Variants in NKD2 observed in about 807,000 individuals in gnomAD.
NKD2 encodes protein naked cuticle homolog 2.
A neutral mutation model predicts 34.8 loss-of-function variants in NKD2; 43 were observed. That is an observed-to-expected ratio of 1.24 (90% CI 0.97 to 1.60). NKD2 has a LOEUF of 1.60. NKD2 is among the 40% of genes most tolerant of loss of function. NKD2 has a pLI of 0.00. For synonymous variants in NKD2, 278 were observed against 265.1 expected (o/e 1.05, Z -0.47); for missense variants, 675 against 627.1 (o/e 1.08, Z -0.82).
chr5:1,017,789 G>A (rs1318877108), intron 3 of NKD2, among the ~76,000 whole-genome samples: 1 of 152,106 alleles, frequency 6.6e-6, no homozygotes, highest in African/African-American at 2.4e-5. Context: ...GTGCGGGTGA[G>A]GCCGGGCATG....
At chr5:1,021,859 G>A (rs1422503678) in intron 3 of NKD2, among the ~76,000 whole-genome samples, 2 of 152,098 alleles carry the variant, frequency 1.3e-5, no homozygotes, top group African/African-American at 4.8e-5. Flanking sequence ...CGGATGGGGT[G>A]GTGGTCTTTG....
At chr5:1,030,893 G>T (rs2150744524) in intron 3 of NKD2, among the ~76,000 whole-genome samples, 1 of 152,344 alleles carries the variant, frequency 6.6e-6, no homozygotes, top group Middle Eastern at 3.4e-3. Context: ...CCTTGGCTCA[G>T]CCACAAGGGG....
At chr5:1,018,791 C>T (rs1756058043) in intron 3 of NKD2, among the ~76,000 whole-genome samples, 1 of 152,152 alleles carries the variant, frequency 6.6e-6, no homozygotes, top group Non-Finnish European at 1.5e-5. Context: ...CCCATGCCAA[C>T]CACCTAGCTG....
chr5:1,032,971 C>A (rs902144797), intron 4 of NKD2, among the ~76,000 whole-genome samples: 1 of 152,064 alleles, frequency 6.6e-6, no homozygotes, highest in Non-Finnish European at 1.5e-5. Context: ...GCACAGGTGG[C>A]CTGTGTGGCC....
At chr5:1,036,462 AG>A (rs1561001180) in intron 9 of NKD2, 78 bp downstream of exon 9, 2 of 1,247,430 alleles carry the variant, frequency 1.6e-6, no homozygotes, top group Non-Finnish European at 2.3e-6. Flanking sequence ...CACAGCCCTG[AG>A]TGCAGGGGGC....
intron 3 of NKD2, among the ~76,000 whole-genome samples, chr5:1,024,308 T>C (rs1462987929): frequency 2.2e-4 from 2 of 8,922 alleles, no homozygotes; most frequent in African/African-American, 2.6e-4. Context: ...TCCCACCCGC[T>C]GTGGGCGTCC....
At chr5:1,012,028 G>T (rs1755771026) in intron 3 of NKD2, among the ~76,000 whole-genome samples, 1 of 152,230 alleles carries the variant, frequency 6.6e-6, no homozygotes, top group South Asian at 2.1e-4. Flanking sequence ...TGGTGCCATG[G>T]TGGCAGTGCA....
Position 1,032,056 on chromosome 5 carries a change from G to C in NKD2, c.142-96G>C, listed in dbSNP as rs1756664213. ...AGACGCCCCAGGAGGCCTGAGGCGA[G>C]TGTCAGGCTCCAGTCCAGCCGCCCA... On this transcript the variant is annotated intron_variant, in intron 3 of 9. Transcript: ENST00000296849. 5.2e-6 allele frequency: 5 copies of C among 956,666 alleles called. No homozygotes were observed. In the Admixed American group the frequency reaches 7.6e-5, roughly 15 times the overall value. The allele number at this position is 956,666 out of a possible 1,614,324, so 59.3% of individuals were successfully genotyped here.
intron 9 of NKD2, chr5:1,037,591 C>T: frequency 2.0e-6 from 3 of 1,535,926 alleles, no homozygotes; most frequent in Non-Finnish European, 1.7e-6. Context: ...AGGAGTCGGC[C>T]TTTGCAGGGA....
Position 1,038,319 on chromosome 5 carries a change from C to T in NKD2, c.1302C>T (p.His434=). The change falls in exon 10 of 10, where the codon CAC becomes CAT. Residue 434 remains histidine (H), a synonymous_variant. Coordinates refer to ENST00000296849, the MANE Select transcript of NKD2 (RefSeq NM_033120.4). This position sits in a 1 kb window ranked among gnomAD's most constrained non-coding sequence, Gnocchi z 4.5. The stretch of plus-strand genomic sequence containing the variant: ...CAGTGATCCAGCGGCACGAGCACCA[C>T]CACCACCACGAGCACCACCACCACC... ...AVPVIQRHEH[H]HHHEHHHHHH... is the part of the protein sequence containing the mutation. 6.5e-7 allele frequency: 1 copy of T among 1,534,096 alleles called. No individual in the cohort carries two copies. Among genetic ancestry groups the T allele is most frequent in the Non-Finnish European group, 8.7e-7 (1 of 1,145,330 alleles).
At chr5:1,027,390 C>T (rs2150740734) in intron 3 of NKD2, among the ~76,000 whole-genome samples, 1 of 152,308 alleles carries the variant, frequency 6.6e-6, no homozygotes, top group Non-Finnish European at 1.5e-5. Context: ...ACTTGGGGTT[C>T]CACACCCACT....
intron 3 of NKD2, among the ~76,000 whole-genome samples, chr5:1,029,722 C>T (rs756318303): frequency 6.6e-5 from 10 of 152,196 alleles, no homozygotes; most frequent in South Asian, 2.1e-4. Flanking sequence ...CCGTCCAACC[C>T]GTCGCCCGCT....
rs1162119526 is a variant in NKD2, at chr5:1,035,395, A to G, written c.581A>G (p.Glu194Gly). ...KEGPPAGQDR[E>G]PTRCRMEGEL... Reference sequence around the variant, plus strand: ...GGCAGGACCCCCCTTTCAGACCGGGAGCCCACCCGTTGCAGGATGGAGGGT... The same window carrying G: ...GGCAGGACCCCCCTTTCAGACCGGGGGCCCACCCGTTGCAGGATGGAGGGT... Residue 194 changes from glutamate to glycine, a missense_variant, in exon 8 of 10, where the codon GAG (glutamate) becomes GGG (glycine). By Grantham distance (98) the Glu-to-Gly change is moderately conservative (BLOSUM62 -2). Coordinates refer to ENST00000296849, the MANE Select transcript of NKD2 (RefSeq NM_033120.4). 6.4e-7 allele frequency: 1 copy of G among 1,557,598 alleles called. No individual in the cohort carries two copies. The highest frequency in any genetic ancestry group is 1.2e-5 in the South Asian group (1 of 84,368).
In NKD2 at chr5:1,009,466, G is replaced by GC. The variant is rs1344199105; in HGVS notation, c.62-10dup. The GC allele has an allele frequency of 9.4e-6, 14 of 1,491,208 alleles. No homozygotes were observed. Among genetic ancestry groups the GC allele is most frequent in the Non-Finnish European group, 1.2e-5 (14 of 1,127,652 alleles). 92.4% of individuals were successfully genotyped at this position (1,491,208 alleles called of 1,614,324 possible). ...CTCGGTGCGGGTTTCCCGCGCGTCC[G>GC]CCCCCGGACCGCAGGGGACAGCTTC... On this transcript the variant is annotated splice_polypyrimidine_tract_variant and intron_variant, in intron 2 of 9. Coordinates refer to ENST00000296849, the MANE Select transcript of NKD2 (RefSeq NM_033120.4). The surrounding 1 kb of genome is among the most constrained non-coding windows in gnomAD (Gnocchi z 6.9).
chr5:1,022,256 T>C (rs1377192673), intron 3 of NKD2, among the ~76,000 whole-genome samples: 5 of 142,060 alleles, frequency 3.5e-5, no homozygotes, highest in Non-Finnish European at 6.2e-5. Context: ...CCACCCGCTG[T>C]GGGCGTCTCA....
chr5:1,026,914 C>T (rs1301766520), intron 3 of NKD2, among the ~76,000 whole-genome samples: 1 of 152,250 alleles, frequency 6.6e-6, no homozygotes, highest in Non-Finnish European at 1.5e-5. Flanking sequence ...ACTTGGCATC[C>T]TGCCTGAGCC....
intron 3 of NKD2, among the ~76,000 whole-genome samples, chr5:1,014,149 A>G (rs1755858177): frequency 1.3e-5 from 2 of 152,238 alleles, no homozygotes; most frequent in East Asian, 1.9e-4. Flanking sequence ...CTGAACCACC[A>G]TGGGAAGCCT....
chr5:1,037,906 C>T lies in NKD2; in HGVS notation c.889C>T (p.Arg297Cys), dbSNP rs771412082. ...GCCAGATACACATGCCGTACACCACCGCAGGTCACAGGTGCTGGTGGAACA... is the reference window on the plus strand; with the variant it reads ...GCCAGATACACATGCCGTACACCACTGCAGGTCACAGGTGCTGGTGGAACA... ...QEPDTHAVHH[R>C]RSQVLVEHVV... Residue 297 changes from arginine (R) to cysteine (C), a missense_variant, in exon 10 of 10, where the codon CGC (arginine) becomes TGC (cysteine). By Grantham distance (180) the Arg-to-Cys change is radical. Coordinates refer to ENST00000296849, the MANE Select transcript of NKD2 (RefSeq NM_033120.4). 20 of 1,606,794 alleles carry T rather than the reference C, an allele frequency of 1.2e-5. No individual in the cohort carries two copies. Among genetic ancestry groups the T allele is most frequent in the Middle Eastern group, 1.7e-4 (1 of 6,056 alleles).
chr5:1,017,083 C>T (rs778665067), intron 3 of NKD2, among the ~76,000 whole-genome samples: 19 of 152,232 alleles, frequency 1.2e-4, no homozygotes, highest in Non-Finnish European at 2.5e-4. Context: ...ATCCTCGTTC[C>T]CACAAAGGAT....
Sources: gnomAD v4.1 joint callset for allele counts (sites outside exome capture counted in the v4.1 genomes callset) on GRCh38, gnomAD v4.1.1 for gene constraint, Gnocchi (gnomAD v3.1) non-coding constraint, MANE v1.5 for transcripts, NCBI Gene and HGNC (gene_info 2026-07-23, HGNC 2026-07-21) for gene names.